ENPP3: variants seen among roughly 807,000 people sequenced by gnomAD.
The protein encoded by ENPP3 is ectonucleotide pyrophosphatase/phosphodiesterase 3.
ENPP3 carries 104 observed loss-of-function variants against 117.8 expected under a neutral mutation model. That is an observed-to-expected ratio of 0.88 (90% CI 0.75 to 1.04). The LOEUF (loss-of-function observed/expected upper bound fraction) is 1.04, where lower values mean the gene tolerates loss of function less well. Among genes scored for constraint, ENPP3 ranks in the 50% least tolerant of loss-of-function variants. The pLI, the probability that ENPP3 is intolerant of heterozygous loss-of-function variation, is 0.00. For missense variants in ENPP3, 1,026 were observed against 1,051.9 expected, an observed-to-expected ratio of 0.98 and a Z score of 0.34; for synonymous variants, 380 against 349.9, an observed-to-expected ratio of 1.09 and a Z score of -0.96.
intron 11 of ENPP3, among the ~76,000 whole-genome samples, chr6:131,679,613 A>G (rs1397658076): frequency 1.3e-5 from 2 of 151,492 alleles, no homozygotes; most frequent in Non-Finnish European, 2.9e-5. Flanking sequence ...GGAGTCCCCC[A>G]AGAGATCTAT....
intron 20 of ENPP3, among the ~76,000 whole-genome samples, chr6:131,732,710 C>CATTATT (rs71030755): frequency 0.055 from 7,294 of 131,550 alleles, 226 homozygotes; most frequent in Middle Eastern, 0.11. Flanking sequence ...TGGCCTAAGA[C>CATTATT]ATTATTATTA....
chr6:131,646,202 TA>T (rs1178917114), intron 2 of ENPP3, among the ~76,000 whole-genome samples: 1 of 152,042 alleles, frequency 6.6e-6, no homozygotes, highest in East Asian at 1.9e-4. Context: ...TGGGGTCTTT[TA>T]AAAAAATTAT....
intron 5 of ENPP3, among the ~76,000 whole-genome samples, chr6:131,653,856 C>T (rs766618845): frequency 2.8e-4 from 43 of 152,236 alleles, no homozygotes; most frequent in Non-Finnish European, 4.9e-4. Context: ...GTGATGAACA[C>T]GTGAGGTGAC....
chr6:131,681,909 G>A (rs769515763), intron 11 of ENPP3, among the ~76,000 whole-genome samples: 1 of 152,066 alleles, frequency 6.6e-6, no homozygotes. Context: ...GTGCAATCTT[G>A]GCTCACTGCC....
At chr6:131,659,479 G>A (rs1356522469) in intron 6 of ENPP3, among the ~76,000 whole-genome samples, 1 of 151,868 alleles carries the variant, frequency 6.6e-6, no homozygotes, top group Non-Finnish European at 1.5e-5. Context: ...ATTTTTACTG[G>A]TTTATTGTTT....
At chr6:131,669,116 T>C (rs1778684532) in intron 6 of ENPP3, among the ~76,000 whole-genome samples, 1 of 152,218 alleles carries the variant, frequency 6.6e-6, no homozygotes, top group Admixed American at 6.5e-5. Context: ...AAACTGACTT[T>C]ATGTATCTGT....
Position 131,685,768 on chromosome 6 carries a change from C to A in ENPP3, c.1253-108C>A, listed in dbSNP as rs186696530. ...AATTTTTAATATAATTTTACCAGATCACAGTTATTAATAAGTGAATGTATC... is the reference window on the plus strand; with the variant it reads ...AATTTTTAATATAATTTTACCAGATAACAGTTATTAATAAGTGAATGTATC... On this transcript the variant is annotated intron_variant, in intron 13 of 24. Transcript: ENST00000357639. The A allele has an allele frequency of 8.9e-6, 6 of 670,786 alleles. No individual in the cohort carries two copies. The East Asian group carries it at 1.4e-4, about 15-fold the overall frequency. 41.6% of individuals were successfully genotyped at this position (670,786 alleles called of 1,614,324 possible). A position where few individuals can be genotyped will look rare whatever the true frequency, so the allele number is the denominator to read the frequency against.
rs1780150527 is a variant in ENPP3, at chr6:131,726,163, G to A, written c.1916G>A (p.Arg639Lys). Residue 639 changes from arginine (R) to lysine (K), a missense_variant, in exon 20 of 25, where the codon AGG becomes AAG. Arg to Lys is a conservative substitution (Grantham distance 26). Transcript: ENST00000357639. ...EYVSGFGKAM[R>K]MPMWSSYTVP... Reference sequence around the variant, plus strand: ...GTCAGTGGATTTGGAAAAGCTATGAGGATGCCCATGTGGAGTTCATACACA... The same window carrying A: ...GTCAGTGGATTTGGAAAAGCTATGAAGATGCCCATGTGGAGTTCATACACA... 2 of 1,614,012 alleles carry A rather than the reference G, an allele frequency of 1.2e-6. No individual in the cohort carries two copies. Among genetic ancestry groups the A allele is most frequent in the Non-Finnish European group, 1.7e-6 (2 of 1,179,920 alleles).
chr6:131,741,815 C>T (rs1429919735), intron 24 of ENPP3, among the ~76,000 whole-genome samples: 1 of 152,104 alleles, frequency 6.6e-6, no homozygotes, highest in Admixed American at 6.6e-5. Context: ...GTCCCATAGG[C>T]AATTAGAGCC....
In ENPP3 at chr6:131,693,551, C is replaced by T. The variant is rs768656602; in HGVS notation, c.1339C>T (p.Arg447Ter). ...KPYLTPDLPK[R>*]LHYAKNVRID... ...CTATTTGACTCCTGATTTGCCAAAG[C>T]GACTGCACTATGCCAAGAACGTCAG... is the stretch of plus-strand genomic sequence containing the variant. The change falls in exon 15 of 25, where the codon CGA (arginine) becomes TGA (stop). Residue 447 changes from arginine to a stop codon, truncating the protein, a stop_gained. Coordinates refer to ENST00000357639, the MANE Select transcript of ENPP3 (RefSeq NM_005021.5). LOFTEE classifies it high-confidence loss of function. 7.4e-6 allele frequency: 12 copies of T among 1,613,664 alleles called. No homozygotes were observed. Among genetic ancestry groups the T allele is most frequent in the East Asian group, 4.5e-5 (2 of 44,862 alleles).
Position 131,746,919 on chromosome 6 carries a change from T to G in ENPP3, c.2591T>G (p.Leu864Arg). ...KVQPVSEILQ[L>R]KTYLPTFETT... ...CAGCCTGTCTCTGAAATTTTGCAAC[T>G]AAAGACATATTTACCAACATTTGAA... The change falls in exon 25 of 25, where the codon CTA (leucine) becomes CGA (arginine). Residue 864 changes from leucine to arginine, a missense_variant. Coordinates refer to ENST00000357639, the MANE Select transcript of ENPP3 (RefSeq NM_005021.5). The G allele has an allele frequency of 6.2e-7, 1 of 1,608,748 alleles. No homozygotes were observed. Among genetic ancestry groups the G allele is most frequent in the Non-Finnish European group, 8.5e-7 (1 of 1,176,576 alleles).
At chr6:131,668,436 A>C (rs1280940730) in intron 6 of ENPP3, among the ~76,000 whole-genome samples, 1 of 151,792 alleles carries the variant, frequency 6.6e-6, no homozygotes, top group Non-Finnish European at 1.5e-5. Flanking sequence ...GCTGGTCTTG[A>C]ACTCCTGACC....
At chr6:131,657,654 G>A (rs1157061813) in intron 5 of ENPP3, among the ~76,000 whole-genome samples, 5 of 152,162 alleles carry the variant, frequency 3.3e-5, no homozygotes, top group Admixed American at 3.3e-4. Context: ...GCATATAAAT[G>A]TAAGTACAAA....
rs945837837 is a variant in ENPP3, at chr6:131,722,297, T to G, written c.1638T>G (p.Pro546=). Residue 546 remains proline, a synonymous_variant, in exon 18 of 25, where the codon CCT becomes CCG. Coordinates refer to ENST00000357639, the MANE Select transcript of ENPP3 (RefSeq NM_005021.5). ...HGSLNHLLKV[P]FYEPSHAEEV... ...GTTTAAACCATCTTCTGAAGGTGCC[T>G]TTTTATGAGCCATCCCATGCAGAGG... 3 of 1,613,910 alleles carry G rather than the reference T, an allele frequency of 1.9e-6. No individual in the cohort carries two copies. The highest frequency in any genetic ancestry group is 2.5e-6 in the Non-Finnish European group (3 of 1,179,786).
chr6:131,716,958 G>A (rs532883053), intron 15 of ENPP3, among the ~76,000 whole-genome samples: 1 of 151,802 alleles, frequency 6.6e-6, no homozygotes, highest in Non-Finnish European at 1.5e-5. Flanking sequence ...GCGACAGAGC[G>A]AGACTCAGTC....
chr6:131,691,663 C>G (rs1449392608), intron 14 of ENPP3, among the ~76,000 whole-genome samples: 2 of 151,898 alleles, frequency 1.3e-5, no homozygotes, highest in African/African-American at 2.4e-5. Flanking sequence ...TCCAAATTCT[C>G]AAATGCAAAG....
chr6:131,669,161 T>G (rs1778685515), intron 6 of ENPP3, among the ~76,000 whole-genome samples: 1 of 152,222 alleles, frequency 6.6e-6, no homozygotes, highest in Non-Finnish European at 1.5e-5. Context: ...TAAATTATTT[T>G]AATTGTGTAA....
intron 1 of ENPP3, among the ~76,000 whole-genome samples, chr6:131,637,970 T>A (rs1320106124): frequency 6.6e-6 from 1 of 151,574 alleles, no homozygotes; most frequent in Non-Finnish European, 1.5e-5. Context: ...TTCTTTTTTC[T>A]TTTTTTTAAT....
chr6:131,674,098 T>G (rs1778811247), intron 7 of ENPP3, 64 bp from the exon 8 acceptor site: 1 of 1,032,184 alleles, frequency 9.7e-7, no homozygotes, highest in South Asian at 1.5e-5. Context: ...CGTGTGCTAT[T>G]TTAATTTAAA....
Sources: gnomAD v4.1 joint callset for allele counts (sites outside exome capture counted in the v4.1 genomes callset) on GRCh38, gnomAD v4.1.1 for gene constraint, MANE v1.5 for transcripts, NCBI Gene and HGNC (gene_info 2026-07-23, HGNC 2026-07-21) for gene names.